The following RABGAP1L variants were observed in gnomAD, a reference collection of about 807,000 sequenced individuals.
RABGAP1L encodes rab GTPase-activating protein 1-like.
Under a neutral mutation model 137.7 loss-of-function variants are expected in RABGAP1L, and 63 were observed. That is an observed-to-expected ratio of 0.46 (90% CI 0.37 to 0.56). The LOEUF is 0.56. RABGAP1L is among the 20% of genes least tolerant of loss of function. RABGAP1L has a pLI of 0.00. For synonymous variants in RABGAP1L, 431 were observed against 433.7 expected, an observed-to-expected ratio of 0.99 and a Z score of 0.08; for missense variants, 1,095 against 1,244.0, an observed-to-expected ratio of 0.88 and a Z score of 1.80.
At chr1:174,791,830 T>C (rs1248088469) in intron 18 of RABGAP1L, among the ~76,000 whole-genome samples, 2 of 152,168 alleles carry the variant, frequency 1.3e-5, no homozygotes, top group Non-Finnish European at 2.9e-5. Flanking sequence ...CAGTTAAAAA[T>C]TGAGAAGGCA....
intron 17 of RABGAP1L, among the ~76,000 whole-genome samples, chr1:174,738,495 G>A (rs1683134153): frequency 6.6e-6 from 1 of 152,110 alleles, no homozygotes; most frequent in South Asian, 2.1e-4. Context: ...GGGGTGGGTG[G>A]CACTAAAATA....
intron 14 of RABGAP1L, among the ~76,000 whole-genome samples, chr1:174,650,893 C>G (rs1236066959): frequency 2.8e-5 from 4 of 141,092 alleles, no homozygotes; most frequent in Admixed American, 2.8e-4. Context: ...AATGTGTTTG[C>G]TCTTGCTTTT....
At chr1:174,447,003 C>T (rs12094140) in intron 13 of RABGAP1L, among the ~76,000 whole-genome samples, 18,682 of 152,058 alleles carry the variant, frequency 0.12, 3,863 homozygotes, top group African/African-American at 0.42. Flanking sequence ...TATGGGTATA[C>T]AGTTGCAAAG....
At chr1:174,849,947 A>G (rs1159942547) in intron 19 of RABGAP1L, 9 of 693,974 alleles carry the variant, frequency 1.3e-5, no homozygotes, top group Admixed American at 3.8e-5. Flanking sequence ...AAGACACAGG[A>G]TCTTTGGAAT....
chr1:174,708,538 G>C (rs889949721), intron 17 of RABGAP1L, among the ~76,000 whole-genome samples: 2 of 152,148 alleles, frequency 1.3e-5, no homozygotes, highest in African/African-American at 4.8e-5. Flanking sequence ...GGAAGCACAA[G>C]GGGTCAAGGA....
At chr1:174,679,620 T>C (rs190832641) in intron 14 of RABGAP1L, among the ~76,000 whole-genome samples, 1 of 152,292 alleles carries the variant, frequency 6.6e-6, no homozygotes, top group Non-Finnish European at 1.5e-5. Context: ...AAAGAAGGCA[T>C]ATGGCCAAAG....
At chr1:174,867,129 TC>T (rs773651923) in intron 19 of RABGAP1L, among the ~76,000 whole-genome samples, 1 of 152,002 alleles carries the variant, frequency 6.6e-6, no homozygotes, top group Non-Finnish European at 1.5e-5. Flanking sequence ...ACGCCTGTAA[TC>T]CCAGCATGTT....
chr1:174,405,990 G>GA (rs772393818), intron 13 of RABGAP1L, among the ~76,000 whole-genome samples: 2 of 150,862 alleles, frequency 1.3e-5, no homozygotes, highest in Non-Finnish European at 3.0e-5. Context: ...AAAAATAAAA[G>GA]AAAAAAAGAA....
chr1:174,501,365 C>T (rs1661264943), intron 13 of RABGAP1L, among the ~76,000 whole-genome samples: 1 of 151,996 alleles, frequency 6.6e-6, no homozygotes, highest in Admixed American at 6.6e-5. Context: ...AGGCGACCTC[C>T]TTAAGCAGAG....
intron 17 of RABGAP1L, among the ~76,000 whole-genome samples, chr1:174,735,709 A>G (rs1332510262): frequency 6.6e-6 from 1 of 151,688 alleles, no homozygotes. Flanking sequence ...TACAGGCTGT[A>G]CAAGCATGAC....
intron 3 of RABGAP1L, among the ~76,000 whole-genome samples, chr1:174,226,902 C>T (rs1181470572): frequency 1.3e-5 from 2 of 152,032 alleles, no homozygotes; most frequent in African/African-American, 2.4e-5. Context: ...AAACTACTAT[C>T]TGTGAGCCAA....
At chr1:174,933,909 G>T (rs992230117) in intron 19 of RABGAP1L, among the ~76,000 whole-genome samples, 2 of 152,010 alleles carry the variant, frequency 1.3e-5, no homozygotes, top group African/African-American at 2.4e-5. Context: ...CCCACCATCC[G>T]TGGAAAACCC....
chr1:174,556,060 C>T (rs896735246), intron 13 of RABGAP1L, among the ~76,000 whole-genome samples: 8 of 145,096 alleles, frequency 5.5e-5, no homozygotes, highest in African/African-American at 2.1e-4. Flanking sequence ...TGCAGTGGCG[C>T]GATCTTGGCT....
chr1:174,267,014 A>T (rs535268600), intron 7 of RABGAP1L, among the ~76,000 whole-genome samples: 5 of 152,306 alleles, frequency 3.3e-5, no homozygotes, highest in African/African-American at 1.2e-4. Flanking sequence ...TCACTCCAAC[A>T]TCCTTTAGTT....
At chr1:174,757,193 C>T in intron 18 of RABGAP1L, 2 of 310,930 alleles carry the variant, frequency 6.4e-6, no homozygotes, top group South Asian at 3.0e-5. Flanking sequence ...CTGCCTATAC[C>T]TCAAGCCACT....
At chr1:174,799,929 C>T (rs1328064586) in intron 18 of RABGAP1L, 5 of 907,120 alleles carry the variant, frequency 5.5e-6, no homozygotes, top group East Asian at 1.6e-4. Flanking sequence ...CACCCTTTCT[C>T]GCACACACAC....
intron 13 of RABGAP1L, among the ~76,000 whole-genome samples, chr1:174,444,186 G>A (rs931413484): frequency 6.8e-6 from 1 of 147,608 alleles, no homozygotes; most frequent in Admixed American, 6.7e-5. Flanking sequence ...ACAAATTTTA[G>A]GTTTTTTTTT....
At chr1:174,210,835 A>T (rs1668832841) in intron 1 of RABGAP1L, among the ~76,000 whole-genome samples, 1 of 152,214 alleles carries the variant, frequency 6.6e-6, no homozygotes, top group Non-Finnish European at 1.5e-5. Context: ...TAAAGGAAGG[A>T]TCCTAAAAGA....
Position 174,988,802 on chromosome 1 carries a change from C to G in RABGAP1L, c.2967C>G (p.Thr989=). The part of the protein sequence containing the change: ...LREMELELAQ[T]KLQLVEAKCK... ...AGATGGAACTGGAACTGGCACAAAC[C>G]AAACTGCAGTTGGTGGAGGCCAAGT... The change falls in exon 25 of 26, where the codon ACC becomes ACG. Residue 989 remains threonine (T), a synonymous_variant. Coordinates refer to ENST00000681986, the MANE Select transcript of RABGAP1L (RefSeq NM_001366446.1). 1 of 1,544,146 alleles carries G rather than the reference C, an allele frequency of 6.5e-7. No individual in the cohort carries two copies. Among genetic ancestry groups the G allele is most frequent in the Non-Finnish European group, 8.7e-7 (1 of 1,144,898 alleles).
Sources: allele counts gnomAD v4.1 joint callset (sites outside exome capture counted in the v4.1 genomes callset), GRCh38; gene constraint gnomAD v4.1.1; transcripts MANE v1.5; gene names NCBI Gene and HGNC (gene_info 2026-07-23, HGNC 2026-07-21).